CNTNAP2: variants seen among roughly 807,000 people sequenced by gnomAD.
CNTNAP2 encodes the protein contactin-associated protein-like 2.
Under a neutral mutation model 155.2 loss-of-function variants are expected in CNTNAP2, and 98 were observed. The observed-to-expected ratio is 0.63, with a 90% confidence interval of 0.54 to 0.75. The LOEUF (loss-of-function observed/expected upper bound fraction) is 0.75. CNTNAP2 is among the 30% of genes least tolerant of loss of function. The pLI, the probability that CNTNAP2 is intolerant of heterozygous loss-of-function variation, is 0.00. For synonymous variants in CNTNAP2, 651 were observed against 631.2 expected, an observed-to-expected ratio of 1.03 and a Z score of -0.47; for missense variants, 1,727 against 1,688.1, an observed-to-expected ratio of 1.02 and a Z score of -0.40.
At chr7:147,302,119 T>G (rs1794955917) in intron 9 of CNTNAP2, among the ~76,000 whole-genome samples, 3 of 152,214 alleles carry the variant, frequency 2.0e-5, no homozygotes. Context: ...AAAAAACAAC[T>G]CAATAGCCAA....
At chr7:147,924,717 G>A (rs1239880270) in intron 14 of CNTNAP2, among the ~76,000 whole-genome samples, 2 of 152,122 alleles carry the variant, frequency 1.3e-5, no homozygotes, top group African/African-American at 4.8e-5. Context: ...ATGGAGAAAG[G>A]TGAAAGATGT....
rs539521976 is a variant in CNTNAP2, at chr7:147,590,878, A to G, written c.1897+28621A>G. Among the ~76,000 whole-genome samples the G allele has an allele frequency of 3.9e-5, 6 of 152,346 alleles. No individual in the cohort carries two copies. The South Asian group carries it at 1.2e-3, about 32-fold the overall frequency. ...AAATGAGGGATTGGAACATCCAAGTATCTGAGGAGAAACTACTGAGTGAGA... is the reference window on the plus strand; with the variant it reads ...AAATGAGGGATTGGAACATCCAAGTGTCTGAGGAGAAACTACTGAGTGAGA... On this transcript the variant is annotated intron_variant, in intron 12 of 23. Transcript: ENST00000361727.
chr7:147,933,201 T>C (rs1465932424), intron 14 of CNTNAP2, among the ~76,000 whole-genome samples: 2 of 152,098 alleles, frequency 1.3e-5, no homozygotes, highest in Admixed American at 6.6e-5. Context: ...CCCTTGTACA[T>C]TGTTGGTGAA....
intron 3 of CNTNAP2, among the ~76,000 whole-genome samples, chr7:146,842,729 A>T (rs989695424): frequency 6.6e-6 from 1 of 152,086 alleles, no homozygotes; most frequent in Non-Finnish European, 1.5e-5. Flanking sequence ...TCTTTCGCCC[A>T]GGCTGGAGTG....
At chr7:147,225,780 AAGGAAGG>A (rs1803511034) in intron 8 of CNTNAP2, among the ~76,000 whole-genome samples, 1 of 132,276 alleles carries the variant, frequency 7.6e-6, no homozygotes, top group East Asian at 2.0e-4. Context: ...GGAAGGAAGG[AAGGAAGG>A]AAGGAAGGAA....
At chr7:146,722,711 A>AAATAT (rs1563204609) in intron 1 of CNTNAP2, among the ~76,000 whole-genome samples, 4 of 149,094 alleles carry the variant, frequency 2.7e-5, no homozygotes, top group African/African-American at 9.8e-5. Context: ...ACACACACAA[A>AAATAT]ATATATATAT....
chr7:148,340,752 C>T (rs1232231827), intron 21 of CNTNAP2, among the ~76,000 whole-genome samples: 1 of 152,132 alleles, frequency 6.6e-6, no homozygotes, highest in Non-Finnish European at 1.5e-5. Flanking sequence ...ATTAGGAAAG[C>T]GTGGATTCTT....
intron 16 of CNTNAP2, among the ~76,000 whole-genome samples, chr7:148,119,390 T>C (rs1385731696): frequency 1.4e-5 from 2 of 147,070 alleles, no homozygotes; most frequent in Non-Finnish European, 3.0e-5. Flanking sequence ...ATTAGCCAGG[T>C]GTGGTGGCGG....
At chr7:146,511,637 C>G (rs1797467924) in intron 1 of CNTNAP2, among the ~76,000 whole-genome samples, 1 of 152,080 alleles carries the variant, frequency 6.6e-6, no homozygotes. Context: ...CTCATTTGAT[C>G]ATGATGAATG....
intron 13 of CNTNAP2, among the ~76,000 whole-genome samples, chr7:147,871,415 A>G (rs1414992979): frequency 1.3e-5 from 2 of 152,144 alleles, no homozygotes; most frequent in African/African-American, 4.8e-5. Flanking sequence ...TACATGTGCT[A>G]TTTCATTTGA....
chr7:147,184,388 A>G (rs933751835), intron 8 of CNTNAP2, among the ~76,000 whole-genome samples: 6 of 152,178 alleles, frequency 3.9e-5, no homozygotes, highest in Admixed American at 1.3e-4. Flanking sequence ...AGGCAGACAG[A>G]AAAATTCTCA....
intron 1 of CNTNAP2, among the ~76,000 whole-genome samples, chr7:146,194,241 T>C (rs1218826025): frequency 1.3e-5 from 2 of 152,222 alleles, no homozygotes; most frequent in Admixed American, 6.5e-5. Context: ...CAATTTACTG[T>C]ATTAGTCTGT....
At chr7:147,176,908 T>C (rs1019608823) in intron 8 of CNTNAP2, among the ~76,000 whole-genome samples, 4 of 132,338 alleles carry the variant, frequency 3.0e-5, no homozygotes, top group African/African-American at 8.6e-5. Context: ...ATAATTATAA[T>C]ATATAATTTT....
chr7:146,246,752 A>G (rs1205010138), intron 1 of CNTNAP2, among the ~76,000 whole-genome samples: 1 of 152,126 alleles, frequency 6.6e-6, no homozygotes, highest in Non-Finnish European at 1.5e-5. Flanking sequence ...TCCGATTTCT[A>G]GTGGTGTCCT....
intron 4 of CNTNAP2, among the ~76,000 whole-genome samples, chr7:147,061,728 A>G (rs1412537717): frequency 3.1e-4 from 47 of 152,320 alleles, no homozygotes; most frequent in African/African-American, 1.1e-3. Context: ...ATAAATAATT[A>G]TCCCAAAATA....
intron 8 of CNTNAP2, among the ~76,000 whole-genome samples, chr7:147,170,798 C>T (rs1282747167): frequency 1.3e-5 from 2 of 152,186 alleles, no homozygotes; most frequent in Non-Finnish European, 1.5e-5. Flanking sequence ...AGACGCTTCA[C>T]TGTGCATGTG....
chr7:147,990,880 T>C (rs569537607), intron 15 of CNTNAP2, among the ~76,000 whole-genome samples: 1 of 152,250 alleles, frequency 6.6e-6, no homozygotes, highest in Middle Eastern at 3.4e-3. Context: ...TTAAATATAA[T>C]GTTTAGCCCC....
intron 8 of CNTNAP2, among the ~76,000 whole-genome samples, chr7:147,182,636 T>C (rs185046904): frequency 1.9e-4 from 29 of 152,254 alleles, no homozygotes; most frequent in Middle Eastern, 6.9e-3. Flanking sequence ...AAAAACCCTT[T>C]TATGTGGCTA....
At chr7:147,826,098 G>T (rs1798445645) in intron 13 of CNTNAP2, among the ~76,000 whole-genome samples, 1 of 152,150 alleles carries the variant, frequency 6.6e-6, no homozygotes, top group Admixed American at 6.6e-5. Context: ...GCCATCAGAA[G>T]TTTACAAGCT....
Sources: gnomAD v4.1 joint callset for allele counts (sites outside exome capture counted in the v4.1 genomes callset) on GRCh38, gnomAD v4.1.1 for gene constraint, MANE v1.5 for transcripts, NCBI Gene and HGNC (gene_info 2026-07-23, HGNC 2026-07-21) for gene names.